The following CDH8 variants were observed in gnomAD, a reference collection of about 807,000 sequenced individuals.
CDH8 encodes the protein cadherin-8.
A neutral mutation model predicts 68.1 loss-of-function variants in CDH8; 17 were observed. That is an observed-to-expected ratio of 0.25 (90% confidence interval 0.17 to 0.37). The LOEUF (loss-of-function observed/expected upper bound fraction) is 0.37, where lower values mean the gene tolerates loss of function less well. Among genes scored for constraint, CDH8 ranks in the 10% least tolerant of loss-of-function variants. CDH8 has a pLI of 1.00. For synonymous variants in CDH8, 372 were observed against 365.1 expected, an observed-to-expected ratio of 1.02 and a Z score of -0.21; for missense variants, 763 against 999.3, an observed-to-expected ratio of 0.76 and a Z score of 3.19.
chr16:61,912,040 C>G (rs1345736670), intron 2 of CDH8, among the ~76,000 whole-genome samples: 1 of 152,008 alleles, frequency 6.6e-6, no homozygotes, highest in African/African-American at 2.4e-5. Context: ...ATTTCTCATA[C>G]AGTAATCACA....
intron 3 of CDH8, among the ~76,000 whole-genome samples, chr16:61,857,813 A>G (rs750054730): frequency 6.6e-6 from 1 of 152,070 alleles, no homozygotes; most frequent in Non-Finnish European, 1.5e-5. Context: ...TTATTCACTC[A>G]TTCATTCAAC....
At chr16:61,657,271 G>A (rs1963466671) in intron 10 of CDH8, among the ~76,000 whole-genome samples, 1 of 151,890 alleles carries the variant, frequency 6.6e-6, no homozygotes, top group African/African-American at 2.4e-5. Context: ...ACTATACTAG[G>A]ATTTCCAAAA....
chr16:61,780,869 G>A (rs749917236), intron 8 of CDH8, among the ~76,000 whole-genome samples: 1 of 152,118 alleles, frequency 6.6e-6, no homozygotes, highest in African/African-American at 2.4e-5. Context: ...TACACTTAAA[G>A]TTCTCAAATT....
intron 8 of CDH8, among the ~76,000 whole-genome samples, chr16:61,767,821 A>G (rs1439220617): frequency 9.9e-5 from 15 of 151,952 alleles, no homozygotes; most frequent in Non-Finnish European, 2.9e-5. Context: ...ATAAAAAATA[A>G]TATGTCTGCC....
At chr16:61,704,126 A>G (rs896778358) in intron 10 of CDH8, among the ~76,000 whole-genome samples, 1 of 152,210 alleles carries the variant, frequency 6.6e-6, no homozygotes. Flanking sequence ...TTCTCCTTTA[A>G]GTAAACTACA....
At chr16:61,990,032 C>T (rs1009615260) in intron 2 of CDH8, among the ~76,000 whole-genome samples, 1 of 152,168 alleles carries the variant, frequency 6.6e-6, no homozygotes, top group African/African-American at 2.4e-5. Context: ...CTTACTGAGT[C>T]TTTGACTAGA....
chr16:61,980,166 G>A (rs1240490182), intron 2 of CDH8, among the ~76,000 whole-genome samples: 1 of 152,130 alleles, frequency 6.6e-6, no homozygotes, highest in African/African-American at 2.4e-5. Context: ...CATGTTCTTT[G>A]GCTTAGCATT....
chr16:61,661,194 T>C (rs58075456), intron 10 of CDH8, among the ~76,000 whole-genome samples: 8,707 of 151,878 alleles, frequency 0.057, 727 homozygotes, highest in African/African-American at 0.18. Flanking sequence ...CAATAATAAA[T>C]AAAACAACGA....
intron 2 of CDH8, among the ~76,000 whole-genome samples, chr16:61,959,990 A>ATATATATATATATATATGTGTG (rs1965068771): frequency 2.8e-5 from 2 of 70,386 alleles, no homozygotes; most frequent in Non-Finnish European, 4.9e-5. Context: ...GTGTGTATAT[A>ATATATATATATATATATGTGTG]TATATATATA....
At chr16:61,942,506 A>G (rs900759254) in intron 2 of CDH8, among the ~76,000 whole-genome samples, 8 of 152,044 alleles carry the variant, frequency 5.3e-5, no homozygotes, top group African/African-American at 1.9e-4. Flanking sequence ...TGCCTCTAAA[A>G]CAAAACAAAA....
intron 8 of CDH8, among the ~76,000 whole-genome samples, chr16:61,746,846 G>A (rs1960035780): frequency 6.6e-6 from 1 of 152,038 alleles, no homozygotes; most frequent in Non-Finnish European, 1.5e-5. Flanking sequence ...TTTTGCCACA[G>A]TAAATTCTGC....
intron 10 of CDH8, among the ~76,000 whole-genome samples, chr16:61,684,048 T>TCAAATGGATTTCAGAA (rs1964059340): frequency 6.6e-6 from 1 of 152,056 alleles, no homozygotes; most frequent in Non-Finnish European, 1.5e-5. Context: ...CATTGCACCC[T>TCAAATGGATTTCAGAA]TCGTGCTCCT....
intron 8 of CDH8, among the ~76,000 whole-genome samples, chr16:61,733,748 A>G (rs1271274777): frequency 6.6e-6 from 1 of 151,936 alleles, no homozygotes; most frequent in African/African-American, 2.4e-5. Context: ...AATTTATCAT[A>G]AAACAACTTT....
At chr16:61,854,494 A>T (rs945952783) in intron 4 of CDH8, among the ~76,000 whole-genome samples, 1 of 152,042 alleles carries the variant, frequency 6.6e-6, no homozygotes, top group African/African-American at 2.4e-5. Flanking sequence ...TCTGCATTTG[A>T]TAAGAGGAAC....
At chr16:61,880,317 T>C (rs1285904744) in intron 3 of CDH8, among the ~76,000 whole-genome samples, 1 of 152,184 alleles carries the variant, frequency 6.6e-6, no homozygotes, top group African/African-American at 2.4e-5. Flanking sequence ...GCAACGTCAG[T>C]TGCATATGTG....
intron 3 of CDH8, among the ~76,000 whole-genome samples, chr16:61,868,522 A>G (rs1963297323): frequency 6.6e-6 from 1 of 152,152 alleles, no homozygotes; most frequent in African/African-American, 2.4e-5. Flanking sequence ...CTTAGAGTTG[A>G]ACCCAGTCCC....
At chr16:61,854,409 G>A (rs1391640297) in intron 4 of CDH8, among the ~76,000 whole-genome samples, 1 of 151,732 alleles carries the variant, frequency 6.6e-6, no homozygotes, top group Non-Finnish European at 1.5e-5. Flanking sequence ...GGGTCCCATT[G>A]TTTTGGTCAA....
intron 10 of CDH8, among the ~76,000 whole-genome samples, chr16:61,690,215 T>C (rs1255786629): frequency 6.6e-6 from 1 of 152,030 alleles, no homozygotes; most frequent in Non-Finnish European, 1.5e-5. Context: ...CTTGAGGGCA[T>C]TGTTGAGAAG....
intron 2 of CDH8, among the ~76,000 whole-genome samples, chr16:61,939,591 T>G (rs976834731): frequency 1.3e-5 from 2 of 152,204 alleles, no homozygotes; most frequent in Non-Finnish European, 2.9e-5. Context: ...AATTTGTCTA[T>G]AACCTTCAAG....
Sources: allele counts gnomAD v4.1 joint callset (sites outside exome capture counted in the v4.1 genomes callset), GRCh38; gene constraint gnomAD v4.1.1; transcripts MANE v1.5; gene names NCBI Gene and HGNC (gene_info 2026-07-23, HGNC 2026-07-21).